Variants in FBXO46 observed in about 807,000 individuals in gnomAD.
FBXO46 encodes F-box protein 46.
FBXO46 carries 13 observed loss-of-function variants against 30.7 expected under a neutral mutation model. The observed-to-expected ratio is 0.42, with a 90% CI of 0.28 to 0.67. FBXO46 has a LOEUF of 0.67. Among genes scored for constraint, FBXO46 ranks in the 30% least tolerant of loss-of-function variants. The pLI is 0.21. For synonymous variants in FBXO46, 467 were observed against 385.8 expected, an observed-to-expected ratio of 1.21 and a Z score of -2.47; for missense variants, 754 against 871.5, an observed-to-expected ratio of 0.87 and a Z score of 1.70.
Position 45,713,367 on chromosome 19 carries a change from C to A in FBXO46, c.129G>T (p.Gly43=). 2 of 1,612,272 alleles carry A rather than the reference C, an allele frequency of 1.2e-6. No individual in the cohort carries two copies. Among genetic ancestry groups the A allele is most frequent in the South Asian group, 2.2e-5 (2 of 91,006 alleles). The change falls in exon 2 of 2, where the codon GGG becomes GGT. Residue 43 remains glycine, a synonymous_variant. Transcript: ENST00000317683. This position sits in a 1 kb window ranked among gnomAD's most constrained non-coding sequence, Gnocchi z 4.7. ...KPSACPEPGG[G]AEPDHGPAHS... ...GGGCAGGCCCATGGTCTGGCTCGGC[C>A]CCGCCACCAGGCTCAGGGCAGGCTG... is the stretch of plus-strand genomic sequence containing the variant.
Position 45,711,881 on chromosome 19 carries a change from T to A in FBXO46, c.1615A>T (p.Lys539Ter). ...PCKQCRKRYE[K>*]GDVSLCRWHP... The stretch of plus-strand genomic sequence containing the variant: ...CAGCGGCAGAGCGACACGTCGCCCT[T>A]CTCGTATCTCTTGCGGCACTGTTTG... Residue 539 changes from lysine to a stop codon, truncating the protein, a stop_gained, in exon 2 of 2, where the codon AAG (lysine) becomes TAG (stop). Coordinates refer to ENST00000317683, the MANE Select transcript of FBXO46 (RefSeq NM_001080469.2). LOFTEE classifies it high-confidence loss of function. 1.2e-6 allele frequency: 2 copies of A among 1,613,676 alleles called. No individual in the cohort carries two copies. Among genetic ancestry groups the A allele is most frequent in the Non-Finnish European group, 1.7e-6 (2 of 1,179,778 alleles).
At chr19:45,722,146 C>T (rs1259409804) in intron 1 of FBXO46, among the ~76,000 whole-genome samples, 5 of 152,162 alleles carry the variant, frequency 3.3e-5, no homozygotes, top group African/African-American at 1.2e-4. Flanking sequence ...TACCCTGCTG[C>T]TCCTTTGTCC....
At chr19:45,728,880 C>T (rs1388135556) in intron 1 of FBXO46, among the ~76,000 whole-genome samples, 1 of 151,116 alleles carries the variant, frequency 6.6e-6, no homozygotes, top group African/African-American at 2.4e-5. Flanking sequence ...TCACGCCTGT[C>T]ATCCCAGCAC....
In FBXO46 at chr19:45,712,510, C is replaced by G; in HGVS notation, c.986G>C (p.Arg329Thr). The change falls in exon 2 of 2, where the codon AGG becomes ACG. Residue 329 changes from arginine (R) to threonine (T), a missense_variant. By Grantham distance (71) the Arg-to-Thr change is moderately conservative. This residue lies in a region of FBXO46 where 454 missense variants were observed against 426.5 expected (regional missense o/e 1.06). Coordinates refer to ENST00000317683, the MANE Select transcript of FBXO46 (RefSeq NM_001080469.2). This position sits in a 1 kb window ranked among gnomAD's most constrained non-coding sequence, Gnocchi z 8.8. ...GTCACCCTCACTGGCCTCATCCGCC[C>G]TGGCCAGCAGGAACTCCACGTTGCT... The part of the protein sequence containing the change: ...LPSNVEFLLA[R>T]ADEASEGDSP... 1 of 1,603,774 alleles carries G rather than the reference C, an allele frequency of 6.2e-7. No homozygotes were observed. Among genetic ancestry groups the G allele is most frequent in the Non-Finnish European group, 8.5e-7 (1 of 1,174,486 alleles).
At chr19:45,715,895 C>T (rs2146149052) in intron 1 of FBXO46, 1 of 152,114 alleles carries the variant, frequency 6.6e-6, no homozygotes, top group Admixed American at 6.6e-5. Context: ...CAGAGAATCC[C>T]CATGTCAAGA....
intron 1 of FBXO46, chr19:45,714,431 C>G (rs1250348786): frequency 2.6e-5 from 4 of 151,674 alleles, no homozygotes; most frequent in Admixed American, 6.6e-5. Flanking sequence ...TGTGTGTCCT[C>G]AGTCAGAAAA....
At position 45,711,461 on chromosome 19, in the gene FBXO46, C is replaced by T. The variant is rs1417986729; in HGVS notation, c.*223G>A. On this transcript the variant is annotated 3_prime_UTR_variant, in exon 2 of 2. Coordinates refer to ENST00000317683, the MANE Select transcript of FBXO46 (RefSeq NM_001080469.2). The stretch of plus-strand genomic sequence containing the variant: ...TGCTGATAAAAAAAAAAAAAACACC[C>T]TTCTCAGAGGGTCCACGGCCCTGGT... The T allele has an allele frequency of 2.9e-6, 2 of 685,700 alleles. No individual in the cohort carries two copies. Among genetic ancestry groups the T allele is most frequent in the Admixed American group, 2.1e-5 (1 of 47,858 alleles). The allele number at this position is 685,700 out of a possible 1,614,324, so 42.5% of individuals were successfully genotyped here.
chr19:45,716,981 C>A (rs1052906595), intron 1 of FBXO46: 2 of 152,110 alleles, frequency 1.3e-5, no homozygotes, highest in Non-Finnish European at 1.5e-5. Context: ...CGGGAGCTCC[C>A]CAAATTCTAT....
At position 45,730,367 on chromosome 19, in the gene FBXO46, C is replaced by G. The variant is rs913885562; in HGVS notation, c.-79+482G>C. On this transcript the variant is annotated intron_variant, in intron 1 of 1. Coordinates refer to ENST00000317683, the MANE Select transcript of FBXO46 (RefSeq NM_001080469.2). ...CAGTCCTGGAGCCTAAACCCACACTCTATCCTACCACTGATTTCTCCCTCC... is the reference window on the plus strand; with the variant it reads ...CAGTCCTGGAGCCTAAACCCACACTGTATCCTACCACTGATTTCTCCCTCC... 2.0e-5 allele frequency among the ~76,000 whole-genome samples: 3 copies of G among 151,982 alleles called. No homozygotes were observed. The East Asian group carries it at 5.8e-4, about 29-fold the overall frequency.
chr19:45,726,584 G>C (rs1024281167), intron 1 of FBXO46, among the ~76,000 whole-genome samples: 1 of 151,836 alleles, frequency 6.6e-6, no homozygotes, highest in Admixed American at 6.6e-5. Flanking sequence ...AGAGGCGGAC[G>C]TTGCAGTGAG....
intron 1 of FBXO46, among the ~76,000 whole-genome samples, chr19:45,720,055 A>C (rs902443213): frequency 1.3e-5 from 2 of 151,784 alleles, no homozygotes; most frequent in African/African-American, 4.8e-5. Context: ...CCCAGGCTGG[A>C]GTGCAATCTC....
At position 45,713,406 on chromosome 19, in the gene FBXO46, C is replaced by A; in HGVS notation, c.90G>T (p.Ala30=). The A allele has an allele frequency of 6.2e-7, 1 of 1,609,094 alleles. No individual in the cohort carries two copies. The highest frequency in any genetic ancestry group is 8.5e-7 in the Non-Finnish European group (1 of 1,176,488). Residue 30 remains alanine, a synonymous_variant, in exon 2 of 2, where the codon GCG becomes GCT. Coordinates refer to ENST00000317683, the MANE Select transcript of FBXO46 (RefSeq NM_001080469.2). The surrounding 1 kb of genome is among the most constrained non-coding windows in gnomAD (Gnocchi z 4.7). ...CAGGGCAGGCTGATGGCTTGAGGGCCGCAGAAGGCGGGCGTGGCTGGTTCT... is the reference window on the plus strand; with the variant it reads ...CAGGGCAGGCTGATGGCTTGAGGGCAGCAGAAGGCGGGCGTGGCTGGTTCT... ...YSQNQPRPPS[A]ALKPSACPEP...
At chr19:45,721,545 T>C (rs1451439610) in intron 1 of FBXO46, among the ~76,000 whole-genome samples, 1 of 135,496 alleles carries the variant, frequency 7.4e-6, no homozygotes, top group Non-Finnish European at 1.5e-5. Context: ...TCGTTCCTGG[T>C]CCTGTTCCTT....
intron 1 of FBXO46, among the ~76,000 whole-genome samples, chr19:45,727,277 G>A (rs1968252367): frequency 6.6e-6 from 1 of 151,872 alleles, no homozygotes; most frequent in Non-Finnish European, 1.5e-5. Flanking sequence ...AAAAAAAAGA[G>A]GTCGGAGCAG....
At chr19:45,731,219 A>T (rs1294750356), upstream of FBXO46, among the ~76,000 whole-genome samples, 2 of 151,774 alleles carry the variant, frequency 1.3e-5, no homozygotes, top group Non-Finnish European at 2.9e-5. Flanking sequence ...AGGGGTGGAG[A>T]GTTGGGGAAG....
intron 1 of FBXO46, among the ~76,000 whole-genome samples, chr19:45,726,448 C>T (rs1476841866): frequency 1.3e-5 from 2 of 151,524 alleles, no homozygotes; most frequent in Non-Finnish European, 2.9e-5. Flanking sequence ...AGGAGTTTGG[C>T]ACCATCCTGG....
rs755064999 is a variant in FBXO46 at position 45,712,061 on chromosome 19, G to A, written c.1435C>T (p.His479Tyr). Residue 479 changes from histidine to tyrosine, a missense_variant, in exon 2 of 2, where the codon CAC becomes TAC. Physicochemically the swap from His to Tyr is moderately conservative, Grantham distance 83 (BLOSUM62 2). Coordinates refer to ENST00000317683, the MANE Select transcript of FBXO46 (RefSeq NM_001080469.2). This position sits in a 1 kb window ranked among gnomAD's most constrained non-coding sequence, Gnocchi z 8.8. The stretch of plus-strand genomic sequence containing the variant: ...AAGCTGAAGATCTTGACCAGCACGT[G>A]CTCGGGCAGCAGCAGCATGTACTGT... ...PRQYMLLLPE[H>Y]VLVKIFSFLP... The A allele has an allele frequency of 2.5e-6, 4 of 1,610,820 alleles. No individual in the cohort carries two copies. The highest frequency in any genetic ancestry group is 2.5e-6 in the Non-Finnish European group (3 of 1,179,002).
intron 1 of FBXO46, among the ~76,000 whole-genome samples, chr19:45,718,816 A>G (rs1968133910): frequency 6.6e-6 from 1 of 152,040 alleles, no homozygotes; most frequent in Admixed American, 6.6e-5. Flanking sequence ...GCCTTCAGCA[A>G]CTACTCCATG....
In FBXO46 at chr19:45,712,637, C is replaced by T. The variant is rs761331517; in HGVS notation, c.859G>A (p.Gly287Ser). The change falls in exon 2 of 2, where the codon GGT (glycine) becomes AGT (serine). Residue 287 changes from glycine (G) to serine (S), a missense_variant. Gly to Ser is a moderately conservative substitution (Grantham distance 56). This residue lies in a region of FBXO46 where 454 missense variants were observed against 426.5 expected (regional missense o/e 1.06). Coordinates refer to ENST00000317683, the MANE Select transcript of FBXO46 (RefSeq NM_001080469.2). The surrounding 1 kb of genome is among the most constrained non-coding windows in gnomAD (Gnocchi z 8.8). ...GLPSGGGGRP[G>S]CAYPGSPGPG... ...CCTGGGCTGCCAGGGTAGGCACAAC[C>T]AGGCCTGCCCCCGCCCCCACTGGGC... 1 of 1,604,906 alleles carries T rather than the reference C, an allele frequency of 6.2e-7. No individual in the cohort carries two copies. The highest frequency in any genetic ancestry group is 1.3e-5 in the African/African-American group (1 of 74,848).
Sources: gnomAD v4.1 joint callset for allele counts (sites outside exome capture counted in the v4.1 genomes callset) on GRCh38, gnomAD v4.1.1 for gene constraint, gnomAD v4.1.1 regional missense constraint, Gnocchi (gnomAD v3.1) non-coding constraint, MANE v1.5 for transcripts, NCBI Gene and HGNC (gene_info 2026-07-23, HGNC 2026-07-21) for gene names.